Variants in LRRIQ1 observed in about 807,000 individuals in gnomAD.
LRRIQ1 encodes leucine rich repeats and IQ motif containing 1.
In LRRIQ1, 210 loss-of-function variants were observed where a neutral mutation model predicts 211.9. The ratio of observed to expected loss-of-function variants is 0.99; its 90% CI spans 0.89 to 1.11. The LOEUF is 1.11. Among genes scored for constraint, LRRIQ1 ranks in the 50% most tolerant of loss-of-function variants. The probability of loss-of-function intolerance (pLI) is 0.00; values close to 1 mark genes in which losing one functional copy is unlikely to be tolerated. For synonymous variants in LRRIQ1, 699 were observed against 650.1 expected, an observed-to-expected ratio of 1.08 and a Z score of -1.14; for missense variants, 2,136 against 1,939.5, an observed-to-expected ratio of 1.10 and a Z score of -1.90.
intron 18 of LRRIQ1, among the ~76,000 whole-genome samples, chr12:85,128,429 A>G (rs1288559988): frequency 3.3e-5 from 5 of 152,118 alleles, no homozygotes; most frequent in East Asian, 1.9e-4. Context: ...GCGAGACTCC[A>G]TATCTACAAA....
rs1159480218 is a variant in LRRIQ1, at chr12:85,170,275, TATA to T, written c.4822+9562_4822+9564del. 4.6e-5 allele frequency among the ~76,000 whole-genome samples: 7 copies of T among 151,294 alleles called. No homozygotes were observed. In the East Asian group the frequency reaches 1.2e-3, roughly 25 times the overall value. The stretch of plus-strand genomic sequence containing the variant: ...TGTATGTGCATATTGTATATATATA[TATA>T]TATATGTACTTAAATGCTGATATGA... On this transcript the variant is annotated intron_variant, in intron 24 of 26. Coordinates refer to ENST00000393217, the MANE Select transcript of LRRIQ1 (RefSeq NM_001079910.2).
At chr12:85,191,669 A>G (rs147486803) in intron 24 of LRRIQ1, among the ~76,000 whole-genome samples, 150 of 152,140 alleles carry the variant, frequency 9.9e-4, no homozygotes, top group African/African-American at 3.4e-3. Context: ...TTTTCAACTT[A>G]TTTAGGTAAG....
chr12:85,107,592 A>ATTTTTTT (rs932119784), intron 15 of LRRIQ1, among the ~76,000 whole-genome samples: 1 of 149,038 alleles, frequency 6.7e-6, no homozygotes, highest in African/African-American at 2.5e-5. Context: ...ATTTATGGCC[A>ATTTTTTT]TTTTTTTTTC....
intron 15 of LRRIQ1, among the ~76,000 whole-genome samples, chr12:85,116,111 T>C (rs1014455560): frequency 2.6e-5 from 4 of 152,214 alleles, no homozygotes; most frequent in Non-Finnish European, 5.9e-5. Context: ...ATATTTCTTA[T>C]TGTACTTAGC....
chr12:85,175,170 A>G (rs1405228568), intron 24 of LRRIQ1, among the ~76,000 whole-genome samples: 1 of 152,156 alleles, frequency 6.6e-6, no homozygotes, highest in Non-Finnish European at 1.5e-5. Context: ...TCAGAAAGCT[A>G]CTGAGGGAAC....
In LRRIQ1 at chr12:85,239,714, G is replaced by A. The variant is rs1339686933; in HGVS notation, c.5017-5075G>A. On this transcript the variant is annotated intron_variant, in intron 26 of 26. Coordinates refer to ENST00000393217, the MANE Select transcript of LRRIQ1 (RefSeq NM_001079910.2). ...TTGAAGAGGCCTGGCATGGTGGCTC[G>A]CGCTTGTAATTTCAGCACTGTGGGA... Among the ~76,000 whole-genome samples the A allele has an allele frequency of 3.4e-5, 5 of 145,040 alleles. No individual in the cohort carries two copies. The South Asian group carries it at 6.3e-4, about 18-fold the overall frequency.
At chr12:85,042,285 A>T (rs1032218379) in intron 3 of LRRIQ1, among the ~76,000 whole-genome samples, 3 of 151,474 alleles carry the variant, frequency 2.0e-5, no homozygotes, top group African/African-American at 7.3e-5. Context: ...AATAAATCAG[A>T]GCCTTATAAA....
chr12:85,143,345 T>G (rs1311749160), intron 19 of LRRIQ1, among the ~76,000 whole-genome samples: 1 of 151,706 alleles, frequency 6.6e-6, no homozygotes, highest in Non-Finnish European at 1.5e-5. Context: ...CCTTATATAT[T>G]TTGGATATTA....
At chr12:85,066,951 T>C in intron 10 of LRRIQ1, 53 bp downstream of exon 10, 3 of 1,058,746 alleles carry the variant, frequency 2.8e-6, no homozygotes, top group Non-Finnish European at 3.9e-6. Context: ...TAATTTATTG[T>C]GTTTTATTTA....
chr12:85,054,631 T>C (rs1040132026), intron 7 of LRRIQ1, among the ~76,000 whole-genome samples: 13 of 152,132 alleles, frequency 8.5e-5, no homozygotes, highest in African/African-American at 3.1e-4. Context: ...ATTTGTTGTT[T>C]GGGGAAAACA....
intron 26 of LRRIQ1, among the ~76,000 whole-genome samples, chr12:85,243,409 G>A (rs1045088877): frequency 5.4e-5 from 8 of 148,318 alleles, no homozygotes; most frequent in Non-Finnish European, 7.5e-5. Flanking sequence ...AATTGGAAAC[G>A]ATTTTTATTT....
chr12:85,238,426 G>A (rs1352489463), intron 26 of LRRIQ1, among the ~76,000 whole-genome samples: 3 of 151,930 alleles, frequency 2.0e-5, no homozygotes, highest in African/African-American at 4.8e-5. Flanking sequence ...TTACACCTAT[G>A]CACCTCATAA....
chr12:85,214,307 A>G (rs770853124), intron 24 of LRRIQ1, among the ~76,000 whole-genome samples: 1 of 152,100 alleles, frequency 6.6e-6, no homozygotes. Flanking sequence ...TATGACTACA[A>G]TCTCAATTAA....
chr12:85,257,770 G>T (rs1896162331), intron 1 of LRRIQ1, among the ~76,000 whole-genome samples: 1 of 151,576 alleles, frequency 6.6e-6, no homozygotes, highest in Non-Finnish European at 1.5e-5. Flanking sequence ...CTCACTCAAA[G>T]AATTTGAAAA....
intron 25 of LRRIQ1, among the ~76,000 whole-genome samples, chr12:85,230,900 T>C (rs965106081): frequency 6.6e-6 from 1 of 151,940 alleles, no homozygotes; most frequent in Non-Finnish European, 1.5e-5. Context: ...ATACAACAAA[T>C]TAGCCGGGCG....
chr12:85,072,318 T>C (rs901131562), intron 10 of LRRIQ1, among the ~76,000 whole-genome samples: 3 of 152,014 alleles, frequency 2.0e-5, no homozygotes, highest in African/African-American at 7.2e-5. Flanking sequence ...GGAACTTATT[T>C]TGGCTGTCTT....
chr12:85,214,788 A>C (rs949693949), intron 24 of LRRIQ1, among the ~76,000 whole-genome samples: 2 of 152,162 alleles, frequency 1.3e-5, no homozygotes, highest in African/African-American at 4.8e-5. Context: ...TTATAAACTT[A>C]GATATGCAAT....
chr12:85,183,868 T>G (rs1357718530), intron 24 of LRRIQ1, among the ~76,000 whole-genome samples: 1 of 152,140 alleles, frequency 6.6e-6, no homozygotes, highest in Admixed American at 6.6e-5. Flanking sequence ...TGTTATACTC[T>G]TATAAAATCT....
At chr12:85,079,093 C>G (rs1223961519) in intron 11 of LRRIQ1, among the ~76,000 whole-genome samples, 1 of 152,056 alleles carries the variant, frequency 6.6e-6, no homozygotes, top group Non-Finnish European at 1.5e-5. Context: ...ACTATACTCT[C>G]TTGACCAAAT....
Sources: allele counts gnomAD v4.1 joint callset (sites outside exome capture counted in the v4.1 genomes callset), GRCh38; gene constraint gnomAD v4.1.1; transcripts MANE v1.5; gene names NCBI Gene and HGNC (gene_info 2026-07-23, HGNC 2026-07-21).